Variants in JDP2 observed in about 807,000 individuals in gnomAD.
The protein encoded by JDP2 is progesterone receptor co-activator.
In JDP2, 9 loss-of-function variants were observed where a neutral mutation model predicts 17.1. That is an observed-to-expected ratio of 0.53 (90% CI 0.32 to 0.92). The LOEUF is 0.92. Among genes scored for constraint, JDP2 ranks in the 40% least tolerant of loss-of-function variants. JDP2 has a pLI of 0.04. For missense variants in JDP2, 179 were observed against 220.0 expected (o/e 0.81, Z 1.18); for synonymous variants, 107 against 95.6 (o/e 1.12, Z -0.69).
At position 75,473,874 on chromosome 14, in the gene JDP2, G is replaced by A. The variant is rs1886861294; in HGVS notation, c.*4399G>A. On this transcript the variant is annotated 3_prime_UTR_variant, in exon 4 of 4. Transcript: ENST00000651602. ...ACAATCAGTCATAGGGAGTGCTCCT[G>A]GGAGGGCCGCGGAGAGGAGGGAACT... 6.6e-6 allele frequency: 1 copy of A among 152,262 alleles called. No individual in the cohort carries two copies. The highest frequency in any genetic ancestry group is 1.5e-5 in the Non-Finnish European group (1 of 68,058). 9.4% of individuals were successfully genotyped at this position (152,262 alleles called of 1,614,324 possible).
Position 75,472,518 on chromosome 14 carries a change from A to G in JDP2, c.*3043A>G, listed in dbSNP as rs1449660776. ...AAACCATCTCCAAGGGTGTTCACAG[A>G]AGACACACCTTAAAGGCAAACGGGT... On this transcript the variant is annotated 3_prime_UTR_variant, in exon 4 of 4. Transcript: ENST00000651602. 6.6e-6 allele frequency: 1 copy of G among 152,218 alleles called. No individual in the cohort carries two copies. The highest frequency in any genetic ancestry group is 1.5e-5 in the Non-Finnish European group (1 of 68,044). The allele number at this position is 152,218 out of a possible 1,614,324, so 9.4% of individuals were successfully genotyped here.
At chr14:75,437,278 T>C (rs1437481047) in intron 1 of JDP2, among the ~76,000 whole-genome samples, 1 of 151,856 alleles carries the variant, frequency 6.6e-6, no homozygotes, top group Non-Finnish European at 1.5e-5. Context: ...CCCTTCCTCA[T>C]AGATAGCACA....
chr14:75,467,935 G>A (rs377502060), intron 3 of JDP2, among the ~76,000 whole-genome samples: 65 of 152,186 alleles, frequency 4.3e-4, no homozygotes, highest in Non-Finnish European at 7.8e-4. Flanking sequence ...CAGAGTTCCC[G>A]GGCACTCATG....
chr14:75,446,523 A>C (rs768690935), intron 2 of JDP2, among the ~76,000 whole-genome samples: 1 of 151,400 alleles, frequency 6.6e-6, no homozygotes, highest in Non-Finnish European at 1.5e-5. Flanking sequence ...GAACCTTGGA[A>C]ACATTATGCT....
intron 2 of JDP2, among the ~76,000 whole-genome samples, chr14:75,448,458 A>G (rs1885706977): frequency 6.6e-6 from 1 of 152,186 alleles, no homozygotes; most frequent in Admixed American, 6.5e-5. Flanking sequence ...CTGACTGGCC[A>G]TGATTCTATC....
intron 3 of JDP2, among the ~76,000 whole-genome samples, chr14:75,464,044 G>T (rs1031051095): frequency 1.3e-5 from 2 of 152,214 alleles, no homozygotes; most frequent in Non-Finnish European, 2.9e-5. Context: ...AGAAGTGCGC[G>T]GCCTTGGGGT....
At chr14:75,458,374 G>T (rs1041277267) in intron 2 of JDP2, among the ~76,000 whole-genome samples, 1 of 151,786 alleles carries the variant, frequency 6.6e-6, no homozygotes, top group South Asian at 2.1e-4. Context: ...CTGTGTGTCC[G>T]TGTGTTCTCA....
chr14:75,466,122 GAAGGCAGTAAAACTAA>G (rs1255312789), intron 3 of JDP2, among the ~76,000 whole-genome samples: 1 of 152,208 alleles, frequency 6.6e-6, no homozygotes, highest in African/African-American at 2.4e-5. Context: ...TTTGAGTGTG[GAAGGCAGTAAAACTAA>G]AAGGCAGTTA....
intron 2 of JDP2, among the ~76,000 whole-genome samples, chr14:75,456,499 T>C (rs937739619): frequency 1.3e-5 from 2 of 152,218 alleles, no homozygotes; most frequent in African/African-American, 4.8e-5. Flanking sequence ...GACCCTGCAC[T>C]TGCTTAAATG....
At chr14:75,431,236 A>G (rs117386064) in intron 1 of JDP2, among the ~76,000 whole-genome samples, 4 of 152,296 alleles carry the variant, frequency 2.6e-5, no homozygotes, top group Non-Finnish European at 5.9e-5. Context: ...AGATAACTTC[A>G]TATGTATTTA....
intron 2 of JDP2, among the ~76,000 whole-genome samples, chr14:75,451,148 T>C (rs1207226997): frequency 3.9e-5 from 6 of 152,192 alleles, no homozygotes; most frequent in Non-Finnish European, 8.8e-5. Context: ...ACATAGGAGC[T>C]TGGGCCTCAT....
At chr14:75,456,172 G>A (rs977148919) in intron 2 of JDP2, among the ~76,000 whole-genome samples, 1 of 152,208 alleles carries the variant, frequency 6.6e-6, no homozygotes, top group South Asian at 2.1e-4. Context: ...ATGACAAGGA[G>A]CATAGTCAGT....
At chr14:75,453,466 G>T (rs888265960) in intron 2 of JDP2, among the ~76,000 whole-genome samples, 4 of 152,168 alleles carry the variant, frequency 2.6e-5, no homozygotes, top group Non-Finnish European at 5.9e-5. Context: ...TTTCTGTGCC[G>T]CATTCTGCCC....
intron 1 of JDP2, among the ~76,000 whole-genome samples, chr14:75,431,692 G>A (rs1471215474): frequency 6.6e-6 from 1 of 152,224 alleles, no homozygotes; most frequent in Non-Finnish European, 1.5e-5. Context: ...CAACTGCCAG[G>A]ATGCAAGATG....
In JDP2 at chr14:75,450,108, C is replaced by T. The variant is rs180845262; in HGVS notation, c.202-11318C>T. ...ATGGACAAGGGGAGTTGGGAGGGCC[C>T]TGGTCAGAGACATGCTGCATCTGGC... On this transcript the variant is annotated intron_variant, in intron 2 of 3. Coordinates refer to ENST00000651602, the MANE Select transcript of JDP2 (RefSeq NM_001135048.2). 8.1e-4 allele frequency among the ~76,000 whole-genome samples: 123 copies of T among 152,278 alleles called. 1 individual carries two copies. The highest frequency in any genetic ancestry group is 2.6e-3 in the African/African-American group (106 of 41,562).
At chr14:75,445,069 A>G in intron 2 of JDP2, 6 of 983,894 alleles carry the variant, frequency 6.1e-6, no homozygotes, top group Non-Finnish European at 7.2e-6. Flanking sequence ...CAATCCTACC[A>G]TCTTACTTTG....
At chr14:75,463,117 G>A (rs537911950) in intron 3 of JDP2, among the ~76,000 whole-genome samples, 1 of 152,350 alleles carries the variant, frequency 6.6e-6, no homozygotes, top group African/African-American at 2.4e-5. Context: ...GGCAAGATAC[G>A]CCCTAGCGGA....
chr14:75,429,590 A>C (rs1884700492), intron 1 of JDP2, among the ~76,000 whole-genome samples: 1 of 152,198 alleles, frequency 6.6e-6, no homozygotes, highest in Admixed American at 6.5e-5. Flanking sequence ...CCTTTCCAGC[A>C]AATCTGGCTG....
Position 75,428,134 on chromosome 14 carries a change from G to C in JDP2, c.-142G>C, listed in dbSNP as rs891903023. The C allele has an allele frequency of 2.7e-5, 4 of 146,252 alleles. No individual in the cohort carries two copies. The highest frequency in any genetic ancestry group is 7.4e-5 in the African/African-American group (3 of 40,778). The allele number at this position is 146,252 out of a possible 1,614,324, so 9.1% of individuals were successfully genotyped here. On this transcript the variant is annotated 5_prime_UTR_variant, in exon 1 of 4. Transcript: ENST00000651602. This position sits in a 1 kb window ranked among gnomAD's most constrained non-coding sequence, Gnocchi z 5.6. ...GGCGCCGCGGCGGCTCCCGGGCCGG[G>C]ACAGGCCTGGGCACCGGGCGGAGCT... is the stretch of plus-strand genomic sequence containing the variant.
Sources: allele counts gnomAD v4.1 joint callset (sites outside exome capture counted in the v4.1 genomes callset), GRCh38; gene constraint gnomAD v4.1.1; non-coding constraint Gnocchi (gnomAD v3.1); transcripts MANE v1.5; gene names NCBI Gene and HGNC (gene_info 2026-07-23, HGNC 2026-07-21).